Variants in ELP1 observed in about 807,000 individuals in gnomAD.
ELP1 encodes elongator complex protein 1.
Under a neutral mutation model 183.2 loss-of-function variants are expected in ELP1, and 131 were observed. The ratio of observed to expected loss-of-function variants is 0.72; its 90% CI spans 0.62 to 0.83. The LOEUF (loss-of-function observed/expected upper bound fraction) is 0.83. Ranked by LOEUF, ELP1 falls within the 40% of genes least tolerant of loss-of-function variation. The pLI is 0.00. For synonymous variants in ELP1, 555 were observed against 569.0 expected (o/e 0.98, Z 0.35); for missense variants, 1,550 against 1,594.9 (o/e 0.97, Z 0.48).
chr9:108,912,903 C>T (rs1261090769), intron 10 of ELP1, among the ~76,000 whole-genome samples: 5 of 148,154 alleles, frequency 3.4e-5, no homozygotes, highest in Non-Finnish European at 6.0e-5. Flanking sequence ...TACAGGCGCC[C>T]ACCACCACAC....
intron 35 of ELP1, among the ~76,000 whole-genome samples, chr9:108,877,478 A>ATT (rs1827745519): frequency 6.6e-6 from 1 of 152,388 alleles, no homozygotes; most frequent in South Asian, 2.1e-4. Flanking sequence ...AGGTATAAAT[A>ATT]ATAAACAGAT....
At chr9:108,924,659 G>A (rs1829770108) in intron 5 of ELP1, among the ~76,000 whole-genome samples, 1 of 152,128 alleles carries the variant, frequency 6.6e-6, no homozygotes, top group Non-Finnish European at 1.5e-5. Flanking sequence ...TCCCAAAACT[G>A]TCAGAATTTC....
chr9:108,930,690 C>CAA (rs5899828), intron 2 of ELP1, among the ~76,000 whole-genome samples: 6 of 72,562 alleles, frequency 8.3e-5, no homozygotes, highest in Non-Finnish European at 1.1e-4. Context: ...GACTCCGTCT[C>CAA]AAAAAAAAAA....
chr9:108,899,933 A>G (rs1185332018), intron 19 of ELP1, 38 bp from the exon 20 acceptor site: 4 of 1,531,016 alleles, frequency 2.6e-6, no homozygotes, highest in Admixed American at 3.3e-5. Context: ...TTAATTAAGT[A>G]GAAAACATTT....
intron 31 of ELP1, 61 bp from the exon 32 acceptor site, chr9:108,880,226 A>T: frequency 1.8e-6 from 2 of 1,113,558 alleles, no homozygotes; most frequent in Non-Finnish European, 2.8e-6. Flanking sequence ...AAAAAACTAA[A>T]GGCGGGGAGC....
rs1270126477 is a variant in ELP1 at position 108,896,575 on chromosome 9, T to A, written c.2657A>T (p.Asp886Val). 1 of 1,613,878 alleles carries A rather than the reference T, an allele frequency of 6.2e-7. No individual in the cohort carries two copies. The highest frequency in any genetic ancestry group is 1.1e-5 in the South Asian group (1 of 91,080). The change falls in exon 25 of 37, where the codon GAT (aspartate) becomes GTT (valine). Residue 886 changes from aspartate to valine, a missense_variant. By Grantham distance (152) the Asp-to-Val change is radical. Transcript: ENST00000374647. ...EALKYLLHLV[D>V]VNELYDHSLG... ...AGAATGATCATATAATTCATTAACA[T>A]CTACCAGATGCAGCAAATATTTCAA...
intron 33 of ELP1, 108 bp downstream of exon 33, chr9:108,879,338 T>C: frequency 1.2e-6 from 1 of 800,198 alleles, no homozygotes. Flanking sequence ...CTGAAGAATA[T>C]TCTCCCCACT....
chr9:108,891,300 G>A lies in ELP1; in HGVS notation c.3063C>T (p.Ala1021=), dbSNP rs1267849190. ...RCGAHEKALS[A]FLTCGNWKQA... is the part of the protein sequence containing the mutation. ...GCTTCCAGTTGCCACATGTCAGAAAGGCTGAGAGAGCTTTCTCGTGGGCAC... is the reference window on the plus strand; with the variant it reads ...GCTTCCAGTTGCCACATGTCAGAAAAGCTGAGAGAGCTTTCTCGTGGGCAC... Residue 1021 remains alanine (A), a synonymous_variant, in exon 28 of 37, where the codon GCC becomes GCT. Coordinates refer to ENST00000374647, the MANE Select transcript of ELP1 (RefSeq NM_003640.5). 9 of 1,614,084 alleles carry A rather than the reference G, an allele frequency of 5.6e-6. No homozygotes were observed. The highest frequency in any genetic ancestry group is 7.6e-6 in the Non-Finnish European group (9 of 1,180,038).
intron 2 of ELP1, 134 bp downstream of exon 2, chr9:108,930,863 T>A: frequency 2.4e-6 from 2 of 846,562 alleles, no homozygotes; most frequent in Non-Finnish European, 3.9e-6. Flanking sequence ...GGCATATATA[T>A]GAAGCAAAAG....
In ELP1 at chr9:108,878,121, G is replaced by A. The variant is rs201673697; in HGVS notation, c.3729C>T (p.Leu1243=). 6.2e-7 allele frequency: 1 copy of A among 1,611,098 alleles called. No homozygotes were observed. Among genetic ancestry groups the A allele is most frequent in the South Asian group, 1.1e-5 (1 of 91,020 alleles). Residue 1243 remains leucine (L), a synonymous_variant, in exon 35 of 37, where the codon CTC becomes CTT. Coordinates refer to ENST00000374647, the MANE Select transcript of ELP1 (RefSeq NM_003640.5). ...KDEVYHILKV[L]FLFEFDEQGR... is the part of the protein sequence containing the mutation. ...CTTGTTCATCAAACTCAAAGAGAAA[G>A]AGTACCTTTAAAATATGGTATACTT...
intron 32 of ELP1, 26 bp downstream of exon 32, chr9:108,880,020 CGCACGT>C (rs1242007341): frequency 9.5e-6 from 13 of 1,362,810 alleles, no homozygotes; most frequent in Non-Finnish European, 1.3e-5. Context: ...CCACTGCCCC[CGCACGT>C]CGATGGCCTT....
At position 108,923,705 on chromosome 9, in the gene ELP1, C is replaced by T. The variant is rs141780666; in HGVS notation, c.467-778G>A. On this transcript the variant is annotated intron_variant, in intron 5 of 36. Coordinates refer to ENST00000374647, the MANE Select transcript of ELP1 (RefSeq NM_003640.5). Reference sequence around the variant, plus strand: ...ATTGAGACCCTCCCTAATGGTGGAGCCAAAAGTTAGAACACAGGTCTTCTG... The same window carrying T: ...ATTGAGACCCTCCCTAATGGTGGAGTCAAAAGTTAGAACACAGGTCTTCTG... Among the ~76,000 whole-genome samples the T allele has an allele frequency of 4.8e-3, 738 of 152,260 alleles. 10 individuals carry two copies. Among genetic ancestry groups the T allele is most frequent in the African/African-American group, 0.017 (703 of 41,550 alleles).
At chr9:108,879,194 G>A (rs1827819323) in intron 33 of ELP1, among the ~76,000 whole-genome samples, 2 of 152,144 alleles carry the variant, frequency 1.3e-5, no homozygotes, top group Non-Finnish European at 2.9e-5. Context: ...TATAAACTGA[G>A]CATTCAGGGG....
At chr9:108,921,830 A>C (rs1829659492) in intron 6 of ELP1, among the ~76,000 whole-genome samples, 1 of 152,218 alleles carries the variant, frequency 6.6e-6, no homozygotes, top group Non-Finnish European at 1.5e-5. Flanking sequence ...ACGCTTTAAA[A>C]AGTTTCAAAA....
intron 5 of ELP1, among the ~76,000 whole-genome samples, chr9:108,924,230 T>C (rs1000425973): frequency 6.6e-6 from 1 of 152,218 alleles, no homozygotes; most frequent in African/African-American, 2.4e-5. Flanking sequence ...GATGTGCTTA[T>C]GTATCATGTA....
rs760519575 is a variant in ELP1, at chr9:108,926,543, T to C, written c.446A>G (p.His149Arg). 3.1e-6 allele frequency: 5 copies of C among 1,613,104 alleles called. No homozygotes were observed. The highest frequency in any genetic ancestry group is 2.2e-5 in the East Asian group (1 of 44,872). Reference protein sequence around the residue: ...DFEPILEQQIHQDDFGESKFI... With the variant: ...DFEPILEQQIRQDDFGESKFI... ...CTTACTTTCACCAAAATCATCCTGATGGATCTGCTGCTCCAGGATTGGCTC... is the reference window on the plus strand; with the variant it reads ...CTTACTTTCACCAAAATCATCCTGACGGATCTGCTGCTCCAGGATTGGCTC... Residue 149 changes from histidine (H) to arginine (R), a missense_variant, in exon 5 of 37, where the codon CAT becomes CGT. Physicochemically the swap from His to Arg is conservative, Grantham distance 29 (BLOSUM62 0). Transcript: ENST00000374647.
Position 108,868,833 on chromosome 9 carries a change from A to G in ELP1, c.*282T>C. 1.7e-6 allele frequency: 1 copy of G among 591,996 alleles called. No individual in the cohort carries two copies. Among genetic ancestry groups the G allele is most frequent in the South Asian group, 2.1e-5 (1 of 47,100 alleles). The allele number at this position is 591,996 out of a possible 1,614,324, so 36.7% of individuals were successfully genotyped here. On this transcript the variant is annotated 3_prime_UTR_variant, in exon 37 of 37. Transcript: ENST00000374647. ...ATGAAACATTAATCTCATGATTACC[A>G]TAATTATGCTCTCAAACAGCCCAAG...
intron 36 of ELP1, among the ~76,000 whole-genome samples, chr9:108,872,739 A>T (rs1827512522): frequency 7.7e-6 from 1 of 129,342 alleles, no homozygotes; most frequent in Admixed American, 8.5e-5. Flanking sequence ...CGGGAGGCGG[A>T]GCTTGCAGTG....
Position 108,906,302 on chromosome 9 carries a change from C to T in ELP1, c.1643+1G>A. 1.2e-6 allele frequency: 2 copies of T among 1,613,824 alleles called. No individual in the cohort carries two copies. Among genetic ancestry groups the T allele is most frequent in the Non-Finnish European group, 1.7e-6 (2 of 1,179,778 alleles). ...TGGAGTACAGGGAAAAACTGCAATA[C>T]CTGACATTGAGCTGTCCATGCTCTT... On this transcript the variant is annotated splice_donor_variant, in intron 14 of 36. Transcript: ENST00000374647. LOFTEE classifies it high-confidence loss of function.
Sources: allele counts gnomAD v4.1 joint callset (sites outside exome capture counted in the v4.1 genomes callset), GRCh38; gene constraint gnomAD v4.1.1; transcripts MANE v1.5; gene names NCBI Gene and HGNC (gene_info 2026-07-23, HGNC 2026-07-21).